The following ARHGAP6 variants were observed in gnomAD, a reference collection of about 807,000 sequenced individuals.
ARHGAP6 encodes rho GTPase-activating protein 6.
In ARHGAP6, 16 loss-of-function variants were observed where a neutral mutation model predicts 55.7. That is an observed-to-expected ratio of 0.29 (90% CI 0.19 to 0.44). The LOEUF is 0.44. ARHGAP6 is among the 20% of genes least tolerant of loss of function. The pLI is 1.00. For missense variants in ARHGAP6, 698 were observed against 808.9 expected, an observed-to-expected ratio of 0.86 and a Z score of 1.66; for synonymous variants, 382 against 360.9, an observed-to-expected ratio of 1.06 and a Z score of -0.66.
At position 11,252,332 on chromosome X, in the gene ARHGAP6, AT is replaced by A. The variant is rs200197455; in HGVS notation, c.748+2215del. On this transcript the variant is annotated intron_variant, in intron 2 of 12. Coordinates refer to ENST00000337414, the MANE Select transcript of ARHGAP6 (RefSeq NM_013427.3). ...AATTAAGTTTGCTAACAATATTGCC[AT>A]TTTTTTTTCCTTAGGAATGAAAAGA... Among the ~76,000 whole-genome samples, 354 of 110,758 alleles carry A rather than the reference AT, an allele frequency of 3.2e-3. 1 individual carries two copies. Among genetic ancestry groups the A allele is most frequent in the African/African-American group, 0.01 (311 of 30,573 alleles).
chrX:11,240,888 T>C (rs1193080938), intron 2 of ARHGAP6, among the ~76,000 whole-genome samples: 2 of 68,478 alleles, frequency 2.9e-5, no homozygotes, highest in Non-Finnish European at 5.1e-5. Flanking sequence ...GTACTAAAAA[T>C]ACAAAAATTA....
At chrX:11,320,497 G>A (rs1465826126) in intron 1 of ARHGAP6, among the ~76,000 whole-genome samples, 2 of 110,940 alleles carry the variant, frequency 1.8e-5, no homozygotes, top group Non-Finnish European at 3.8e-5. Context: ...AGCAAAAGGC[G>A]GACATTGAAA....
intron 2 of ARHGAP6, among the ~76,000 whole-genome samples, chrX:11,214,971 C>T (rs1414805249): frequency 8.8e-6 from 1 of 113,450 alleles, no homozygotes; most frequent in Admixed American, 9.2e-5. Context: ...GAGGAAATGG[C>T]CCCAGTGTCG....
At chrX:11,201,989 CTGTGTGTGTGTG>C (rs56023548) in intron 2 of ARHGAP6, among the ~76,000 whole-genome samples, 1,330 of 65,505 alleles carry the variant, frequency 0.02, 26 homozygotes, top group African/African-American at 0.058. Flanking sequence ...GCATCTGGAT[CTGTGTGTGTGTG>C]TGTGTGTGTG....
chrX:11,663,015 G>T (rs1475033368), intron 1 of ARHGAP6, among the ~76,000 whole-genome samples: 1 of 112,080 alleles, frequency 8.9e-6, no homozygotes, highest in Non-Finnish European at 1.9e-5. Flanking sequence ...AAGAAAATGG[G>T]CAAAAGACCT....
intron 1 of ARHGAP6, among the ~76,000 whole-genome samples, chrX:11,315,013 C>A (rs2048342078): frequency 8.9e-6 from 1 of 112,358 alleles, no homozygotes; most frequent in African/African-American, 3.2e-5. Context: ...AATAATCGTT[C>A]TGGTGAAATA....
At chrX:11,663,768 AAC>A (rs199780362) in intron 1 of ARHGAP6, among the ~76,000 whole-genome samples, 1 of 111,362 alleles carries the variant, frequency 9.0e-6, no homozygotes, top group African/African-American at 3.3e-5. Flanking sequence ...CTGCCACCCA[AAC>A]ACACACACAC....
intron 1 of ARHGAP6, among the ~76,000 whole-genome samples, chrX:11,590,926 A>AAAGAT (rs1295751680): frequency 6.2e-5 from 6 of 97,561 alleles, no homozygotes; most frequent in Non-Finnish European, 1.0e-4. Flanking sequence ...AAAGAAAAGA[A>AAAGAT]AAGATAAGTT....
intron 1 of ARHGAP6, among the ~76,000 whole-genome samples, chrX:11,536,134 G>A (rs779390184): frequency 9.9e-5 from 11 of 111,661 alleles, no homozygotes; most frequent in South Asian, 3.8e-4. Context: ...TGTAGAGGGT[G>A]GAATAGATGC....
At chrX:11,460,213 G>T (rs1360104172) in intron 1 of ARHGAP6, among the ~76,000 whole-genome samples, 1 of 111,779 alleles carries the variant, frequency 8.9e-6, no homozygotes, top group Non-Finnish European at 1.9e-5. Context: ...TTGCCAGATT[G>T]TGAGAGGGCC....
Position 11,425,839 on chromosome X carries a change from C to G in ARHGAP6, c.589-171132G>C, listed in dbSNP as rs73500828. On this transcript the variant is annotated intron_variant, in intron 1 of 12. Coordinates refer to ENST00000337414, the MANE Select transcript of ARHGAP6 (RefSeq NM_013427.3). ...GAGCCCGTTCTCACCTTTCCTCCCC[C>G]ACCCGCACTCTTGCAAATGGCAAAG... Among the ~76,000 whole-genome samples the G allele has an allele frequency of 7.1e-3, 795 of 111,587 alleles. 10 individuals are homozygous for G. The highest frequency in any genetic ancestry group is 0.024 in the African/African-American group (747 of 30,729).
chrX:11,431,731 T>C (rs968982894), intron 1 of ARHGAP6, among the ~76,000 whole-genome samples: 2 of 112,532 alleles, frequency 1.8e-5, no homozygotes, highest in African/African-American at 6.5e-5. Context: ...TAGCATATAA[T>C]GTGCAGCTTA....
chrX:11,473,881 G>C (rs996698769), intron 1 of ARHGAP6, among the ~76,000 whole-genome samples: 3 of 111,320 alleles, frequency 2.7e-5, no homozygotes, highest in African/African-American at 9.8e-5. Flanking sequence ...AGGTTAATCA[G>C]ATGAAGAACT....
chrX:11,508,171 A>AT (rs778028791), intron 1 of ARHGAP6, among the ~76,000 whole-genome samples: 7 of 110,888 alleles, frequency 6.3e-5, no homozygotes, highest in East Asian at 2.9e-4. Flanking sequence ...AAAAATGAGT[A>AT]TTTTTTTAAG....
At position 11,516,007 on chromosome X, in the gene ARHGAP6, G is replaced by A. The variant is rs763087529; in HGVS notation, c.588+148234C>T. Among the ~76,000 whole-genome samples the A allele has an allele frequency of 4.4e-5, 5 of 112,367 alleles. No individual in the cohort carries two copies. In the East Asian group the frequency reaches 1.4e-3, roughly 31 times the overall value. On this transcript the variant is annotated intron_variant, in intron 1 of 12. Transcript: ENST00000337414. ...TTTCCTATTAAAGTTAATTGGCTATGAGTAGAGATAGGCCATCAAGGTCTC... is the reference window on the plus strand; with the variant it reads ...TTTCCTATTAAAGTTAATTGGCTATAAGTAGAGATAGGCCATCAAGGTCTC...
In ARHGAP6 at chrX:11,526,317, A is replaced by C. The variant is rs992045921; in HGVS notation, c.588+137924T>G. On this transcript the variant is annotated intron_variant, in intron 1 of 12. Transcript: ENST00000337414. Reference sequence around the variant, plus strand: ...TGTTAAGTGTTGCTTTCTAGGTGTAACCACTTCCAGACTTCCCTGCTGTCC... The same window carrying C: ...TGTTAAGTGTTGCTTTCTAGGTGTACCCACTTCCAGACTTCCCTGCTGTCC... Among the ~76,000 whole-genome samples, 3 of 111,655 alleles carry C rather than the reference A, an allele frequency of 2.7e-5. No individual in the cohort carries two copies. In the Admixed American group the frequency reaches 2.9e-4, roughly 11 times the overall value.
chrX:11,664,411 G>T lies in ARHGAP6; in HGVS notation c.418C>A (p.Pro140Thr), dbSNP rs146154267. 6 of 1,211,140 alleles carry T rather than the reference G, an allele frequency of 5.0e-6. No individual in the cohort carries two copies. The highest frequency in any genetic ancestry group is 3.5e-5 in the African/African-American group (2 of 57,724). Residue 140 changes from proline to threonine, a missense_variant, in exon 1 of 13, where the codon CCT (proline) becomes ACT (threonine). This residue lies in a region of ARHGAP6 where 164 missense variants were observed against 149.2 expected (regional missense o/e 1.10). Coordinates refer to ENST00000337414, the MANE Select transcript of ARHGAP6 (RefSeq NM_013427.3). ...CTGGCTGGCCCGGCCAGGACAGAAGGCAGGTCCCAGGCCATGCTCTTCTTG... is the reference window on the plus strand; with the variant it reads ...CTGGCTGGCCCGGCCAGGACAGAAGTCAGGTCCCAGGCCATGCTCTTCTTG... ...GLKKSMAWDL[P>T]SVLAGPASSR...
intron 8 of ARHGAP6, among the ~76,000 whole-genome samples, chrX:11,174,639 CTT>C (rs1555964833): frequency 1.3e-3 from 83 of 62,294 alleles, no homozygotes; most frequent in South Asian, 6.3e-3. Context: ...TTCTTTCTTT[CTT>C]TCTTTCTTTC....
intron 1 of ARHGAP6, among the ~76,000 whole-genome samples, chrX:11,282,403 TC>T (rs1430251285): frequency 8.9e-6 from 1 of 112,115 alleles, no homozygotes; most frequent in African/African-American, 3.2e-5. Context: ...GGTTCTGCCA[TC>T]CTGCTAAAAC....
Sources: allele counts gnomAD v4.1 joint callset (sites outside exome capture counted in the v4.1 genomes callset), GRCh38; gene constraint gnomAD v4.1.1; regional missense constraint gnomAD v4.1.1; transcripts MANE v1.5; gene names NCBI Gene and HGNC (gene_info 2026-07-23, HGNC 2026-07-21).